The following PTPRD variants were observed in gnomAD, a reference collection of about 807,000 sequenced individuals.
PTPRD encodes receptor-type tyrosine-protein phosphatase delta.
PTPRD carries 34 observed loss-of-function variants against 214.5 expected under a neutral mutation model. That is an observed-to-expected ratio of 0.16 (90% confidence interval 0.12 to 0.21). The LOEUF is 0.21. Ranked by LOEUF, PTPRD falls within the 10% of genes least tolerant of loss-of-function variation. The probability of loss-of-function intolerance (pLI) is 1.00; values close to 1 mark genes in which losing one functional copy is unlikely to be tolerated. For missense variants in PTPRD, 2,545 were observed against 2,398.7 expected (o/e 1.06, Z -1.27); for synonymous variants, 1,128 against 845.7 (o/e 1.33, Z -5.79).
chr9:9,736,921 C>A (rs2098308147), intron 6 of PTPRD, among the ~76,000 whole-genome samples: 1 of 151,964 alleles, frequency 6.6e-6, no homozygotes, highest in African/African-American at 2.4e-5. Flanking sequence ...CGTTGAACAC[C>A]TATTGTTAAT....
intron 5 of PTPRD, among the ~76,000 whole-genome samples, chr9:9,920,543 C>G (rs924333898): frequency 1.3e-5 from 2 of 152,054 alleles, no homozygotes; most frequent in African/African-American, 4.8e-5. Context: ...TTCTGCAGAT[C>G]CACATTAATC....
At chr9:9,657,901 C>A (rs1050260493) in intron 7 of PTPRD, among the ~76,000 whole-genome samples, 1 of 152,106 alleles carries the variant, frequency 6.6e-6, no homozygotes, top group African/African-American at 2.4e-5. Context: ...ATTTTCCCCC[C>A]GACCTAAAGA....
intron 2 of PTPRD, among the ~76,000 whole-genome samples, chr9:10,461,507 C>A (rs7860694): frequency 0.7 from 105,822 of 151,810 alleles, 38,162 homozygotes; most frequent in African/African-American, 0.9. Flanking sequence ...CAGCCTTTTG[C>A]AAAGGAGATC....
rs71485323 is a variant in PTPRD at position 10,156,078 on chromosome 9, TTGTGTGTGTGTGTGTGTG to T, written c.-544-122306_-544-122289del. Among the ~76,000 whole-genome samples the T allele has an allele frequency of 8.3e-5, 11 of 132,638 alleles. 1 individual carries two copies. The highest frequency in any genetic ancestry group is 2.0e-4 in the African/African-American group (7 of 35,344). The allele number at this position is 132,638 out of a possible 152,430, so 87.0% of individuals were successfully genotyped here. A position where few individuals can be genotyped will look rare whatever the true frequency, so the allele number is the denominator to read the frequency against. On this transcript the variant is annotated intron_variant, in intron 3 of 45. Coordinates refer to ENST00000381196, the MANE Select transcript of PTPRD (RefSeq NM_002839.4). ...ATGGATTTTTTGCTCTTTTGAATGTTTGTGTGTGTGTGTGTGTGTGTGTGTGTGTGTGTGTGTGTGTGT... is the reference window on the plus strand; with the variant it reads ...ATGGATTTTTTGCTCTTTTGAATGTTTGTGTGTGTGTGTGTGTGTGTGTGT...
At chr9:10,493,097 G>T (rs890918735) in intron 2 of PTPRD, among the ~76,000 whole-genome samples, 2 of 152,032 alleles carry the variant, frequency 1.3e-5, no homozygotes, top group African/African-American at 4.8e-5. Flanking sequence ...GGAAATAAGA[G>T]AGCACAGAAA....
At chr9:8,604,247 A>G (rs538755453) in intron 14 of PTPRD, among the ~76,000 whole-genome samples, 2 of 152,332 alleles carry the variant, frequency 1.3e-5, no homozygotes, top group South Asian at 2.1e-4. Context: ...TCGAGGAAAG[A>G]GCAAAGTGCC....
chr9:8,438,132 ATGATGGCCAT>A (rs1449636290), intron 34 of PTPRD, among the ~76,000 whole-genome samples: 2 of 152,210 alleles, frequency 1.3e-5, no homozygotes, highest in Non-Finnish European at 2.9e-5. Flanking sequence ...AGGCTACAGA[ATGATGGCCAT>A]TGAGTCAACA....
At chr9:8,388,827 G>A (rs937162756) in intron 37 of PTPRD, among the ~76,000 whole-genome samples, 4 of 152,260 alleles carry the variant, frequency 2.6e-5, no homozygotes, top group East Asian at 1.9e-4. Flanking sequence ...GTCTTATGCT[G>A]CAGATTTTAA....
chr9:9,835,142 A>T (rs994294246), intron 5 of PTPRD, among the ~76,000 whole-genome samples: 1 of 152,102 alleles, frequency 6.6e-6, no homozygotes, highest in Non-Finnish European at 1.5e-5. Context: ...TAGATATCTA[A>T]ATTTAATACA....
chr9:10,343,310 TC>T (rs1417355544), intron 2 of PTPRD, among the ~76,000 whole-genome samples: 1 of 152,150 alleles, frequency 6.6e-6, no homozygotes, highest in East Asian at 1.9e-4. Context: ...CATGAACTCA[TC>T]CTTTTTTATG....
chr9:9,602,740 A>G (rs1248601545), intron 7 of PTPRD, among the ~76,000 whole-genome samples: 1 of 152,012 alleles, frequency 6.6e-6, no homozygotes, highest in African/African-American at 2.4e-5. Flanking sequence ...GTCTGGATAA[A>G]AGATCTTGAA....
chr9:9,046,531 A>G (rs940663282), intron 10 of PTPRD, among the ~76,000 whole-genome samples: 9 of 152,216 alleles, frequency 5.9e-5, no homozygotes, highest in Admixed American at 2.0e-4. Flanking sequence ...ATTTATGCAC[A>G]TTTTGTTACT....
intron 9 of PTPRD, among the ~76,000 whole-genome samples, chr9:9,318,442 T>C (rs994744347): frequency 1.3e-5 from 2 of 152,110 alleles, no homozygotes; most frequent in South Asian, 2.1e-4. Flanking sequence ...GAAATGATCA[T>C]AGTTTGAAGT....
chr9:9,542,396 T>C (rs1345787186), intron 8 of PTPRD, among the ~76,000 whole-genome samples: 1 of 151,722 alleles, frequency 6.6e-6, no homozygotes, highest in African/African-American at 2.4e-5. Flanking sequence ...GTCCAATATT[T>C]CTTATACAGG....
intron 11 of PTPRD, among the ~76,000 whole-genome samples, chr9:8,827,287 C>T (rs1248984893): frequency 1.4e-5 from 2 of 145,716 alleles, no homozygotes; most frequent in Non-Finnish European, 3.0e-5. Flanking sequence ...GTGACTCAAC[C>T]CATCAATCTA....
intron 3 of PTPRD, among the ~76,000 whole-genome samples, chr9:10,261,810 GA>G (rs1365176487): frequency 4.6e-5 from 7 of 152,086 alleles, no homozygotes; most frequent in Non-Finnish European, 8.8e-5. Flanking sequence ...ATAGGAGCAA[GA>G]AAACTGAATT....
At chr9:10,572,234 A>C (rs988954) in intron 2 of PTPRD, among the ~76,000 whole-genome samples, 125,330 of 152,014 alleles carry the variant, frequency 0.82, 51,944 homozygotes, top group East Asian at 0.94. Flanking sequence ...ATATAGGGAA[A>C]TACAATAAAA....
At chr9:9,908,434 C>T (rs1423051482) in intron 5 of PTPRD, among the ~76,000 whole-genome samples, 1 of 151,976 alleles carries the variant, frequency 6.6e-6, no homozygotes, top group African/African-American at 2.4e-5. Flanking sequence ...TGGATCCACA[C>T]CTTGTTAAGG....
At chr9:9,450,954 C>CACACACACACAT (rs537241986) in intron 8 of PTPRD, among the ~76,000 whole-genome samples, 2 of 148,018 alleles carry the variant, frequency 1.4e-5, no homozygotes, top group African/African-American at 5.0e-5. Flanking sequence ...CATACATACA[C>CACACACACACAT]ACACACACAC....
Sources: gnomAD v4.1 joint callset for allele counts (sites outside exome capture counted in the v4.1 genomes callset) on GRCh38, gnomAD v4.1.1 for gene constraint, MANE v1.5 for transcripts, NCBI Gene and HGNC (gene_info 2026-07-23, HGNC 2026-07-21) for gene names.